The following PITPNM2 variants were observed in gnomAD, a reference collection of about 807,000 sequenced individuals.
PITPNM2 encodes the protein phosphatidylinositol transfer protein membrane associated 2.
PITPNM2 carries 35 observed loss-of-function variants against 132.2 expected under a neutral mutation model. The observed-to-expected ratio is 0.26, with a 90% CI of 0.20 to 0.35. PITPNM2 has a LOEUF of 0.35. Ranked by LOEUF, PITPNM2 falls within the 10% of genes least tolerant of loss-of-function variation. The probability of loss-of-function intolerance (pLI) is 1.00; values close to 1 mark genes in which losing one functional copy is unlikely to be tolerated. For missense variants in PITPNM2, 1,332 were observed against 1,912.0 expected, an observed-to-expected ratio of 0.70 and a Z score of 5.66; for synonymous variants, 738 against 799.2, an observed-to-expected ratio of 0.92 and a Z score of 1.29.
In PITPNM2 at chr12:123,049,633, T is replaced by C. The variant is rs115745498; in HGVS notation, c.-95-14948A>G. On this transcript the variant is annotated intron_variant, in intron 2 of 25. Coordinates refer to ENST00000320201, the MANE Select transcript of PITPNM2 (RefSeq NM_020845.3). ...TCCCTTCTACAGTGTAGATTTCCTC[T>C]CCTGCCCAGTTCAGTCCCATTGCCA... Among the ~76,000 whole-genome samples, 572 of 151,338 alleles carry C rather than the reference T, an allele frequency of 3.8e-3. 3 individuals are homozygous for C. Among genetic ancestry groups the C allele is most frequent in the African/African-American group, 0.013 (532 of 41,220 alleles).
intron 2 of PITPNM2, among the ~76,000 whole-genome samples, chr12:123,094,358 G>A (rs757040262): frequency 5.9e-4 from 90 of 152,344 alleles, no homozygotes; most frequent in Non-Finnish European, 1.1e-3. Flanking sequence ...CTCCTGGGAG[G>A]TGACTCCGGC....
chr12:123,009,187 C>T lies in PITPNM2; in HGVS notation c.643+663G>A, dbSNP rs1443635370. The stretch of plus-strand genomic sequence containing the variant: ...TGTCTGGCTGGGGTGCCTTTTGGGT[C>T]ATGGGCCTCAGGGACCGGAACCAGC... On this transcript the variant is annotated intron_variant, in intron 6 of 25. Coordinates refer to ENST00000320201, the MANE Select transcript of PITPNM2 (RefSeq NM_020845.3). The surrounding 1 kb of genome is among the most constrained non-coding windows in gnomAD (Gnocchi z 4.8). 2.0e-5 allele frequency among the ~76,000 whole-genome samples: 3 copies of T among 152,198 alleles called. No homozygotes were observed. Among genetic ancestry groups the T allele is most frequent in the South Asian group, 2.1e-4 (1 of 4,828 alleles).
At chr12:123,093,469 C>T (rs766768266) in intron 2 of PITPNM2, among the ~76,000 whole-genome samples, 1 of 150,158 alleles carries the variant, frequency 6.7e-6, no homozygotes, top group Non-Finnish European at 1.5e-5. Flanking sequence ...AATACACACA[C>T]GCACACACAC....
At chr12:123,013,778 C>T in intron 4 of PITPNM2, 50 bp downstream of exon 4, 1 of 1,581,992 alleles carries the variant, frequency 6.3e-7, no homozygotes. Context: ...TTGCTTCCCG[C>T]CAGATGGCAT....
chr12:123,056,292 C>T (rs143937517), intron 2 of PITPNM2, among the ~76,000 whole-genome samples: 206 of 152,308 alleles, frequency 1.4e-3, no homozygotes, highest in Non-Finnish European at 2.4e-3. Flanking sequence ...ATCACCTGAG[C>T]GCTCTGGAGA....
intron 2 of PITPNM2, among the ~76,000 whole-genome samples, chr12:123,094,524 G>A (rs1474481283): frequency 1.3e-5 from 2 of 152,256 alleles, no homozygotes; most frequent in Admixed American, 6.5e-5. Flanking sequence ...CCCCAGGAAA[G>A]CGGACTTAGT....
intron 2 of PITPNM2, among the ~76,000 whole-genome samples, chr12:123,074,464 TCA>T (rs2041714421): frequency 1.3e-5 from 2 of 151,288 alleles, no homozygotes; most frequent in African/African-American, 4.9e-5. Flanking sequence ...CACACACACC[TCA>T]CACACACAAC....
chr12:123,086,106 T>C (rs2042105151), intron 2 of PITPNM2, among the ~76,000 whole-genome samples: 1 of 152,228 alleles, frequency 6.6e-6, no homozygotes, highest in Non-Finnish European at 1.5e-5. Context: ...AGGTCCTCTC[T>C]GACCATCTAC....
chr12:123,107,438 C>A (rs1223996369), intron 2 of PITPNM2, among the ~76,000 whole-genome samples: 1 of 152,212 alleles, frequency 6.6e-6, no homozygotes, highest in East Asian at 1.9e-4. Context: ...GTAGGAGACA[C>A]AACCCCAGCT....
At chr12:123,067,855 C>T (rs1012406168) in intron 2 of PITPNM2, among the ~76,000 whole-genome samples, 3 of 152,180 alleles carry the variant, frequency 2.0e-5, no homozygotes, top group Non-Finnish European at 2.9e-5. Context: ...TCTCCTGCTC[C>T]GGGCACCCTG....
At chr12:123,075,205 T>C (rs751026827) in intron 2 of PITPNM2, among the ~76,000 whole-genome samples, 1 of 152,238 alleles carries the variant, frequency 6.6e-6, no homozygotes, top group African/African-American at 2.4e-5. Flanking sequence ...TAAGTACGTG[T>C]GTGTTCAGGA....
Position 123,106,280 on chromosome 12 carries a change from C to T in PITPNM2, c.-96+4105G>A, listed in dbSNP as rs1486948061. Reference sequence around the variant, plus strand: ...GTGTGCACCTGTAGTCCCAGCTACTCAGGAGGCTGAGGTGGGAGGACTGCT... The same window carrying T: ...GTGTGCACCTGTAGTCCCAGCTACTTAGGAGGCTGAGGTGGGAGGACTGCT... On this transcript the variant is annotated intron_variant, in intron 2 of 25. Coordinates refer to ENST00000320201, the MANE Select transcript of PITPNM2 (RefSeq NM_020845.3). This position sits in a 1 kb window ranked among gnomAD's most constrained non-coding sequence, Gnocchi z 4.4. 6.6e-6 allele frequency among the ~76,000 whole-genome samples: 1 copy of T among 152,128 alleles called. No homozygotes were observed. Among genetic ancestry groups the T allele is most frequent in the Non-Finnish European group, 1.5e-5 (1 of 68,026 alleles).
In PITPNM2 at chr12:123,101,742, G is replaced by A. The variant is rs573726289; in HGVS notation, c.-96+8643C>T. 2.0e-5 allele frequency among the ~76,000 whole-genome samples: 3 copies of A among 152,292 alleles called. No individual in the cohort carries two copies. In the East Asian group the frequency reaches 5.8e-4, roughly 29 times the overall value. ...ACAAACCATCAAGTTCCCTTTTCTT[G>A]GGGGTGGTGGAGTGAGTTCTAAAAC... On this transcript the variant is annotated intron_variant, in intron 2 of 25. Transcript: ENST00000320201.
rs2136820306 is a variant in PITPNM2, at chr12:123,064,788, A to C, written c.-95-30103T>G. Among the ~76,000 whole-genome samples the C allele has an allele frequency of 6.6e-6, 1 of 152,376 alleles. No homozygotes were observed. Among genetic ancestry groups the C allele is most frequent in the Non-Finnish European group, 1.5e-5 (1 of 68,042 alleles). On this transcript the variant is annotated intron_variant, in intron 2 of 25. Coordinates refer to ENST00000320201, the MANE Select transcript of PITPNM2 (RefSeq NM_020845.3). The surrounding 1 kb of genome is among the most constrained non-coding windows in gnomAD (Gnocchi z 4.0). ...TGGGAAACAAACAACACAATGAATC[A>C]GATGCAGCAGGACACAGGGAGTGAC...
intron 1 of PITPNM2, among the ~76,000 whole-genome samples, chr12:123,128,264 C>CAAAAAAAA (rs1170397011): frequency 8.8e-5 from 2 of 22,752 alleles, no homozygotes; most frequent in African/African-American, 4.5e-4. Context: ...CCCATCTCTA[C>CAAAAAAAA]AAAAAAAAAA....
rs2136014577 is a variant in PITPNM2, at chr12:122,983,976, G to C, written c.*2051C>G. 1 of 152,860 alleles carries C rather than the reference G, an allele frequency of 6.5e-6. No individual in the cohort carries two copies. Among genetic ancestry groups the C allele is most frequent in the South Asian group, 2.1e-4 (1 of 4,834 alleles). The allele number at this position is 152,860 out of a possible 1,614,324, so 9.5% of individuals were successfully genotyped here. ...TGGTACTTCCTCAAGAGGAGAATGTGCCAAAAGGAATCTGAAGGGAGGTGG... is the reference window on the plus strand; with the variant it reads ...TGGTACTTCCTCAAGAGGAGAATGTCCCAAAAGGAATCTGAAGGGAGGTGG... On this transcript the variant is annotated 3_prime_UTR_variant, in exon 26 of 26. Coordinates refer to ENST00000320201, the MANE Select transcript of PITPNM2 (RefSeq NM_020845.3).
At chr12:123,042,847 C>T (rs2040541092) in intron 2 of PITPNM2, among the ~76,000 whole-genome samples, 1 of 152,106 alleles carries the variant, frequency 6.6e-6, no homozygotes, top group South Asian at 2.1e-4. Context: ...GGACCCAAAG[C>T]TCTGGATGAA....
At chr12:123,067,214 TG>T (rs1164131812) in intron 2 of PITPNM2, among the ~76,000 whole-genome samples, 4 of 152,120 alleles carry the variant, frequency 2.6e-5, no homozygotes, top group African/African-American at 9.7e-5. Context: ...CCCAGCACTT[TG>T]GGAACCAAGG....
chr12:123,110,831 A>G (rs1227506897), intron 1 of PITPNM2, among the ~76,000 whole-genome samples: 1 of 152,206 alleles, frequency 6.6e-6, no homozygotes, highest in Admixed American at 6.5e-5. Flanking sequence ...TTTTTCACTC[A>G]TGAACCCCAC....
Sources: allele counts gnomAD v4.1 joint callset (sites outside exome capture counted in the v4.1 genomes callset), GRCh38; gene constraint gnomAD v4.1.1; non-coding constraint Gnocchi (gnomAD v3.1); transcripts MANE v1.5; gene names NCBI Gene and HGNC (gene_info 2026-07-23, HGNC 2026-07-21).